ZNF652: variants seen among roughly 807,000 people sequenced by gnomAD.
The protein encoded by ZNF652 is zinc finger protein 652.
A neutral mutation model predicts 45.2 loss-of-function variants in ZNF652; 16 were observed. That is an observed-to-expected ratio of 0.35 (90% CI 0.24 to 0.54). ZNF652 has a LOEUF of 0.54. ZNF652 is among the 20% of genes least tolerant of loss of function. The pLI, the probability that ZNF652 is intolerant of heterozygous loss-of-function variation, is 0.91. For synonymous variants in ZNF652, 250 were observed against 260.6 expected, an observed-to-expected ratio of 0.96 and a Z score of 0.39; for missense variants, 614 against 765.6, an observed-to-expected ratio of 0.80 and a Z score of 2.34.
chr17:49,327,630 G>A (rs1469360769), intron 1 of ZNF652, among the ~76,000 whole-genome samples: 1 of 149,476 alleles, frequency 6.7e-6, no homozygotes, highest in Non-Finnish European at 1.5e-5. Context: ...TGTAATCTCA[G>A]CACTTTGGGA....
chr17:49,289,166 C>T (rs1390683763), downstream of ZNF652: 1 of 150,906 alleles, frequency 6.6e-6, no homozygotes, highest in Non-Finnish European at 1.5e-5. Context: ...AATGTTGTCA[C>T]CTGAGGGTAA....
chr17:49,313,643 G>GT (rs1368041159), intron 2 of ZNF652, among the ~76,000 whole-genome samples: 2 of 152,020 alleles, frequency 1.3e-5, no homozygotes. Context: ...GGTATTATAG[G>GT]TATGTAGAAA....
chr17:49,289,931 T>C lies in ZNF652; in HGVS notation c.*8482A>G, dbSNP rs1448868129. 6.6e-6 allele frequency: 1 copy of C among 152,254 alleles called. No homozygotes were observed. Among genetic ancestry groups the C allele is most frequent in the Non-Finnish European group, 1.5e-5 (1 of 68,052 alleles). 9.4% of individuals were successfully genotyped at this position (152,254 alleles called of 1,614,324 possible). On this transcript the variant is annotated 3_prime_UTR_variant, in exon 6 of 6. Coordinates refer to ENST00000430262, the MANE Select transcript of ZNF652 (RefSeq NM_001145365.3). ...ATATTCAACATTCAACAACAAGCTT[T>C]GTAAACCTAACGCTAAACAAGTCAT...
In ZNF652 at chr17:49,317,116, A is replaced by T. The variant is rs1337244869; in HGVS notation, c.610T>A (p.Ser204Thr). 12 of 1,613,802 alleles carry T rather than the reference A, an allele frequency of 7.4e-6. No homozygotes were observed. Among genetic ancestry groups the T allele is most frequent in the Non-Finnish European group, 1.0e-5 (12 of 1,179,970 alleles). Reference protein sequence around the residue: ...RAASVAAATTSPTPRTTRGRR... With the variant: ...RAASVAAATTTPTPRTTRGRR... ...CCTCTTGTAGTTCTGGGAGTAGGGG[A>T]AGTGGTAGCTGCGGCAACAGAGGCA... The change falls in exon 2 of 6, where the codon TCC (serine) becomes ACC (threonine). Residue 204 changes from serine (S) to threonine (T), a missense_variant. Coordinates refer to ENST00000430262, the MANE Select transcript of ZNF652 (RefSeq NM_001145365.3).
At chr17:49,312,894 A>G in intron 2 of ZNF652, 49 bp from the exon 3 acceptor site, 1 of 1,572,234 alleles carries the variant, frequency 6.4e-7, no homozygotes, top group Non-Finnish European at 8.6e-7. Context: ...ACAGCATGCC[A>G]TACCAGCCTA....
chr17:49,356,166 AC>A (rs1367380697), intron 1 of ZNF652, among the ~76,000 whole-genome samples: 1 of 150,806 alleles, frequency 6.6e-6, no homozygotes, highest in East Asian at 2.0e-4. Context: ...AGTGGCTCAC[AC>A]CTGTAATCTC....
chr17:49,306,762 T>C (rs149714429), intron 5 of ZNF652, among the ~76,000 whole-genome samples: 67 of 152,292 alleles, frequency 4.4e-4, no homozygotes, highest in African/African-American at 1.5e-3. Flanking sequence ...ATATTGTAGC[T>C]ATTTTTTTGA....
intron 1 of ZNF652, among the ~76,000 whole-genome samples, chr17:49,345,250 T>A (rs2070192517): frequency 6.7e-6 from 1 of 150,198 alleles, no homozygotes; most frequent in African/African-American, 2.4e-5. Context: ...TCACCCAGGC[T>A]GGAGGGCAGT....
chr17:49,333,610 C>T (rs1598305361), intron 1 of ZNF652, among the ~76,000 whole-genome samples: 1 of 139,462 alleles, frequency 7.2e-6, no homozygotes, highest in South Asian at 2.3e-4. Flanking sequence ...GTCCCAGCTA[C>T]TTGGGAGGCT....
At chr17:49,350,990 T>TAC (rs2070267963) in intron 1 of ZNF652, among the ~76,000 whole-genome samples, 1 of 19,502 alleles carries the variant, frequency 5.1e-5, no homozygotes, top group South Asian at 9.9e-4. Flanking sequence ...TATATATATA[T>TAC]ATATATATAT....
At chr17:49,314,174 T>A (rs1047365044) in intron 2 of ZNF652, among the ~76,000 whole-genome samples, 8 of 151,888 alleles carry the variant, frequency 5.3e-5, no homozygotes, top group Admixed American at 1.3e-4. Context: ...CATTATTATT[T>A]TTTTTGAGAT....
At chr17:49,316,664 C>T (rs1209968260) in intron 2 of ZNF652, among the ~76,000 whole-genome samples, 162 bp downstream of exon 2, 1 of 152,164 alleles carries the variant, frequency 6.6e-6, no homozygotes, top group Non-Finnish European at 1.5e-5. Flanking sequence ...GAAATAAAAG[C>T]CTTGGTTTAG....
chr17:49,341,062 T>G (rs2070139877), intron 1 of ZNF652, among the ~76,000 whole-genome samples: 1 of 151,762 alleles, frequency 6.6e-6, no homozygotes. Flanking sequence ...ATACAAAAAA[T>G]TAGCTGGCTA....
At chr17:49,311,841 GCTC>G in intron 4 of ZNF652, 83 bp downstream of exon 4, 2 of 1,152,874 alleles carry the variant, frequency 1.7e-6, no homozygotes, top group Non-Finnish European at 2.5e-6. Context: ...TGTGCCTCCT[GCTC>G]CAGCACACCT....
chr17:49,316,794 GAA>G, intron 2 of ZNF652, 30 bp downstream of exon 2: 1 of 1,576,644 alleles, frequency 6.3e-7, no homozygotes, highest in Non-Finnish European at 8.6e-7. Context: ...GTTCTATCCT[GAA>G]AAGTTTTCCC....
chr17:49,311,789 G>T, intron 4 of ZNF652, 138 bp downstream of exon 4: 1 of 678,610 alleles, frequency 1.5e-6, no homozygotes, highest in East Asian at 2.7e-5. Flanking sequence ...AGCGCACACA[G>T]AGCTCAGAAC....
At chr17:49,331,121 CTTT>C (rs1291833601) in intron 1 of ZNF652, among the ~76,000 whole-genome samples, 4 of 115,704 alleles carry the variant, frequency 3.5e-5, no homozygotes, top group African/African-American at 6.3e-5. Flanking sequence ...ATGAATGTGT[CTTT>C]TTTTTTTTTT....
rs767759215 is a variant in ZNF652 at position 49,312,793 on chromosome 17, A to G, written c.953T>C (p.Ile318Thr). Residue 318 changes from isoleucine to threonine, a missense_variant, in exon 3 of 6, where the codon ATC becomes ACC. Physicochemically the swap from Ile to Thr is moderately conservative, Grantham distance 89. Transcript: ENST00000430262. Reference sequence around the variant, plus strand: ...TTCTGCATATCCATGGACGATCTTGATATGTTCATGAAGGGACCAGAGTTT... The same window carrying G: ...TTCTGCATATCCATGGACGATCTTGGTATGTTCATGAAGGGACCAGAGTTT... ...FKKLWSLHEH[I>T]KIVHGYAEKK... The G allele has an allele frequency of 4.3e-5, 69 of 1,614,012 alleles. 1 individual carries two copies. The highest frequency in any genetic ancestry group is 1.6e-4 in the Middle Eastern group (1 of 6,084).
chr17:49,301,541 G>A (rs554003048), intron 5 of ZNF652, among the ~76,000 whole-genome samples: 23 of 152,164 alleles, frequency 1.5e-4, no homozygotes, highest in Non-Finnish European at 3.1e-4. Context: ...CAGGTGATCC[G>A]CCCACCTCGG....
Sources: gnomAD v4.1 joint callset for allele counts (sites outside exome capture counted in the v4.1 genomes callset) on GRCh38, gnomAD v4.1.1 for gene constraint, MANE v1.5 for transcripts, NCBI Gene and HGNC (gene_info 2026-07-23, HGNC 2026-07-21) for gene names.